Variants in CSGALNACT1 observed in about 807,000 individuals in gnomAD.
CSGALNACT1 encodes beta4GalNAcT-1.
Under a neutral mutation model 51.0 loss-of-function variants are expected in CSGALNACT1, and 52 were observed. That is an observed-to-expected ratio of 1.02 (90% CI 0.82 to 1.29). The LOEUF is 1.29. Among genes scored for constraint, CSGALNACT1 ranks in the 50% most tolerant of loss-of-function variants. The pLI, the probability that CSGALNACT1 is intolerant of heterozygous loss-of-function variation, is 0.00. For synonymous variants in CSGALNACT1, 341 were observed against 254.4 expected (o/e 1.34, Z -3.24); for missense variants, 935 against 679.2 (o/e 1.38, Z -4.19).
chr8:19,751,847 T>C (rs1007515972), intron 1 of CSGALNACT1, among the ~76,000 whole-genome samples: 5 of 152,104 alleles, frequency 3.3e-5, no homozygotes, highest in Admixed American at 6.6e-5. Flanking sequence ...GTAAGTTTCC[T>C]GAGGCCTCCC....
intron 4 of CSGALNACT1, among the ~76,000 whole-genome samples, chr8:19,466,706 G>A (rs1486460593): frequency 4.6e-5 from 7 of 151,964 alleles, no homozygotes; most frequent in African/African-American, 1.7e-4. Context: ...ATCCTCACAT[G>A]CTCAGACGCT....
At chr8:19,635,340 T>C (rs987172536) in intron 1 of CSGALNACT1, among the ~76,000 whole-genome samples, 1 of 152,214 alleles carries the variant, frequency 6.6e-6, no homozygotes, top group Non-Finnish European at 1.5e-5. Context: ...TGTCTACTCT[T>C]GCCTACAGCA....
At chr8:19,517,202 C>T (rs1311169056) in intron 3 of CSGALNACT1, among the ~76,000 whole-genome samples, 1 of 152,122 alleles carries the variant, frequency 6.6e-6, no homozygotes, top group Non-Finnish European at 1.5e-5. Flanking sequence ...CTTTGGGAGG[C>T]CGAGGTGGGA....
rs1369110871 is a variant in CSGALNACT1 at position 19,667,011 on chromosome 8, G to GA, written c.-544+15461dup. Among the ~76,000 whole-genome samples, 47 of 32,878 alleles carry GA rather than the reference G, an allele frequency of 1.4e-3. 1 individual carries two copies. Among genetic ancestry groups the GA allele is most frequent in the African/African-American group, 8.2e-3 (40 of 4,884 alleles). 21.6% of individuals were successfully genotyped at this position (32,878 alleles called of 152,430 possible). On this transcript the variant is annotated intron_variant, in intron 1 of 9. Coordinates refer to the CSGALNACT1 transcript ENST00000332246. ...AGAAAGAAAGAAAGAAAGAAAGAAA[G>GA]AAAGAAAGGAAGGAAGGAAGGAAGG...
chr8:19,685,104 G>T (rs2060898200), upstream of CSGALNACT1, among the ~76,000 whole-genome samples: 1 of 152,178 alleles, frequency 6.6e-6, no homozygotes, highest in Non-Finnish European at 1.5e-5. Context: ...GAAAGCATGA[G>T]GAGATCAGGT....
At chr8:19,560,987 G>A (rs1288814536) in intron 3 of CSGALNACT1, among the ~76,000 whole-genome samples, 1 of 152,192 alleles carries the variant, frequency 6.6e-6, no homozygotes, top group African/African-American at 2.4e-5. Context: ...ACACACAGCA[G>A]AATAAATGCA....
At chr8:19,682,464 G>A (rs555783321) in intron 1 of CSGALNACT1, 6 of 342,614 alleles carry the variant, frequency 1.8e-5, no homozygotes, top group Admixed American at 7.5e-5. Context: ...ACTTCCCTCT[G>A]CCACTCACCC....
intron 3 of CSGALNACT1, among the ~76,000 whole-genome samples, chr8:19,578,465 T>G (rs529749542): frequency 6.6e-6 from 1 of 152,322 alleles, no homozygotes; most frequent in Admixed American, 6.5e-5. Flanking sequence ...AATCATCCTC[T>G]GTTGACTTTA....
intron 1 of CSGALNACT1, among the ~76,000 whole-genome samples, chr8:19,653,321 C>G (rs1254207097): frequency 6.6e-6 from 1 of 152,192 alleles, no homozygotes; most frequent in African/African-American, 2.4e-5. Context: ...CTACAGGCAG[C>G]AATCCTCCCC....
At chr8:19,664,479 T>C (rs539813265) in intron 1 of CSGALNACT1, among the ~76,000 whole-genome samples, 1 of 152,314 alleles carries the variant, frequency 6.6e-6, no homozygotes, top group South Asian at 2.1e-4. Flanking sequence ...GCAATCCCAC[T>C]ACTGGGTATC....
intron 3 of CSGALNACT1, among the ~76,000 whole-genome samples, chr8:19,509,808 A>G (rs941758627): frequency 2.0e-5 from 3 of 152,174 alleles, no homozygotes; most frequent in South Asian, 4.1e-4. Flanking sequence ...AGACTTGCAG[A>G]TGGAAAGCAA....
At chr8:19,696,759 G>A (rs1452601984) in intron 1 of CSGALNACT1, among the ~76,000 whole-genome samples, 1 of 152,126 alleles carries the variant, frequency 6.6e-6, no homozygotes, top group Non-Finnish European at 1.5e-5. Flanking sequence ...GTTCATGTGG[G>A]GCATCTAGAA....
Position 19,458,350 on chromosome 8 carries a change from G to A in CSGALNACT1, c.851+76C>T, listed in dbSNP as rs2064578745. The A allele has an allele frequency of 7.7e-6, 9 of 1,168,476 alleles. No individual in the cohort carries two copies. In the South Asian group the frequency reaches 1.1e-4, roughly 14 times the overall value. The allele number at this position is 1,168,476 out of a possible 1,614,324, so 72.4% of individuals were successfully genotyped here. A position where few individuals can be genotyped will look rare whatever the true frequency, so the allele number is the denominator to read the frequency against. The stretch of plus-strand genomic sequence containing the variant: ...CTTTGTACTCGGCAGGGGAAATGAA[G>A]GAGATGACGGGAAATGATATCAGTG... On this transcript the variant is annotated intron_variant, in intron 5 of 9. Transcript: ENST00000454498.
At chr8:19,538,985 A>G (rs2084428355) in intron 3 of CSGALNACT1, among the ~76,000 whole-genome samples, 1 of 152,150 alleles carries the variant, frequency 6.6e-6, no homozygotes, top group Admixed American at 6.5e-5. Flanking sequence ...GTTTCTCCCA[A>G]AAGACCTTGT....
rs923936158 is a variant in CSGALNACT1 at position 19,757,628 on chromosome 8, T to G, written c.-297+222A>C. Among the ~76,000 whole-genome samples, 1 of 152,124 alleles carries G rather than the reference T, an allele frequency of 6.6e-6. No homozygotes were observed. Among genetic ancestry groups the G allele is most frequent in the African/African-American group, 2.4e-5 (1 of 41,434 alleles). Reference sequence around the variant, plus strand: ...TAGGACACTGTGGCGTGGCCCGAGTTGCAGGAGAGAGGTGTCCAATCTCCA... The same window carrying G: ...TAGGACACTGTGGCGTGGCCCGAGTGGCAGGAGAGAGGTGTCCAATCTCCA... On this transcript the variant is annotated intron_variant, in intron 1 of 1. Coordinates refer to the CSGALNACT1 transcript ENST00000517494. The surrounding 1 kb of genome is among the most constrained non-coding windows in gnomAD (Gnocchi z 4.0).
intron 4 of CSGALNACT1, among the ~76,000 whole-genome samples, chr8:19,465,019 G>A (rs1285080147): frequency 2.0e-5 from 3 of 152,122 alleles, no homozygotes; most frequent in Admixed American, 6.6e-5. Flanking sequence ...ATTAAAAACA[G>A]GGGTCCTAAC....
At chr8:19,455,681 AAC>A (rs1200833690) in intron 5 of CSGALNACT1, among the ~76,000 whole-genome samples, 2 of 152,168 alleles carry the variant, frequency 1.3e-5, no homozygotes, top group African/African-American at 4.8e-5. Context: ...CAGAGACATC[AAC>A]AGTCTCAGAA....
chr8:19,450,282 G>GGGAGGAGGAGAA (rs1468601998), intron 5 of CSGALNACT1, among the ~76,000 whole-genome samples: 2 of 141,702 alleles, frequency 1.4e-5, no homozygotes, highest in African/African-American at 2.6e-5. Context: ...GGGGAGGAGA[G>GGGAGGAGGAGAA]GGAGGAGGAG....
intron 4 of CSGALNACT1, among the ~76,000 whole-genome samples, chr8:19,480,784 C>T (rs2071150241): frequency 6.6e-6 from 1 of 152,142 alleles, no homozygotes; most frequent in Non-Finnish European, 1.5e-5. Context: ...CCCTACCAGG[C>T]TCACTCCAGC....
Sources: gnomAD v4.1 joint callset for allele counts (sites outside exome capture counted in the v4.1 genomes callset) on GRCh38, gnomAD v4.1.1 for gene constraint, Gnocchi (gnomAD v3.1) non-coding constraint, MANE v1.5 for transcripts, NCBI Gene and HGNC (gene_info 2026-07-23, HGNC 2026-07-21) for gene names.